The following IFT140 variants were observed in gnomAD, a reference collection of about 807,000 sequenced individuals.
The protein encoded by IFT140 is intraflagellar transport 140, also known as intraflagellar transport protein 140 homolog.
In IFT140, 133 loss-of-function variants were observed where a neutral mutation model predicts 164.6. The ratio of observed to expected loss-of-function variants is 0.81; its 90% CI spans 0.70 to 0.93. The LOEUF is 0.93. Among genes scored for constraint, IFT140 ranks in the 40% least tolerant of loss-of-function variants. The pLI, the probability that IFT140 is intolerant of heterozygous loss-of-function variation, is 0.00. For synonymous variants in IFT140, 860 were observed against 817.3 expected, an observed-to-expected ratio of 1.05 and a Z score of -0.89; for missense variants, 2,045 against 1,972.3, an observed-to-expected ratio of 1.04 and a Z score of -0.70.
At chr16:1,588,230 A>C (rs1419969639) in intron 7 of IFT140, among the ~76,000 whole-genome samples, 1 of 152,128 alleles carries the variant, frequency 6.6e-6, no homozygotes, top group African/African-American at 2.4e-5. Flanking sequence ...TTGTACATTA[A>C]ATAATGGCTA....
chr16:1,554,080 G>C, intron 19 of IFT140: 1 of 1,287,168 alleles, frequency 7.8e-7, no homozygotes, highest in South Asian at 1.2e-5. Flanking sequence ...AAATCTGCCA[G>C]GGAGGAGGGA....
chr16:1,560,940 A>C (rs1287042682), intron 18 of IFT140, among the ~76,000 whole-genome samples: 6 of 152,190 alleles, frequency 3.9e-5, no homozygotes, highest in Non-Finnish European at 7.3e-5. Context: ...AGAAGCTTCC[A>C]TGTTTCACAG....
chr16:1,528,555 A>G (rs1179477742), intron 19 of IFT140: 1 of 154,218 alleles, frequency 6.5e-6, no homozygotes, highest in Non-Finnish European at 1.5e-5. Context: ...ACATGCACAC[A>G]CACGCACACA....
chr16:1,526,345 G>A (rs903820959), intron 20 of IFT140: 51 of 288,684 alleles, frequency 1.8e-4, no homozygotes, highest in African/African-American at 3.3e-4. Context: ...CAGAAGTCCC[G>A]TGCTCAGCCC....
chr16:1,568,372 G>T, intron 14 of IFT140, 38 bp from the exon 15 acceptor site: 1 of 1,517,332 alleles, frequency 6.6e-7, no homozygotes. Context: ...CCCGCCAGAG[G>T]CCCAGTTCCC....
chr16:1,542,039 C>T (rs377593023), intron 19 of IFT140: 38 of 1,610,858 alleles, frequency 2.4e-5, no homozygotes, highest in Non-Finnish European at 2.9e-5. Flanking sequence ...ACGCCCCGTG[C>T]TGGGAGGAGG....
chr16:1,606,905 T>G (rs368693774), intron 3 of IFT140, among the ~76,000 whole-genome samples: 5 of 149,536 alleles, frequency 3.3e-5, no homozygotes, highest in African/African-American at 1.2e-4. Flanking sequence ...CACACACCCA[T>G]ATGCACACAC....
intron 3 of IFT140, 72 bp from the exon 4 acceptor site, chr16:1,602,663 C>T (rs1432830910): frequency 1.6e-5 from 23 of 1,405,954 alleles, no homozygotes; most frequent in Middle Eastern, 2.4e-4. Context: ...CTGTCTAGGC[C>T]GGGCACGGCG....
intron 29 of IFT140, among the ~76,000 whole-genome samples, 181 bp downstream of exon 29, chr16:1,519,700 G>C (rs1054783427): frequency 3.3e-5 from 5 of 152,200 alleles, no homozygotes; most frequent in Admixed American, 6.5e-5. Flanking sequence ...ACCTTCCCAA[G>C]GCTGTGCCCG....
At chr16:1,545,085 G>A (rs976769182) in intron 19 of IFT140, among the ~76,000 whole-genome samples, 1 of 152,234 alleles carries the variant, frequency 6.6e-6, no homozygotes, top group Non-Finnish European at 1.5e-5. Flanking sequence ...GTTTCTAAAT[G>A]TATTTTAAAA....
At chr16:1,526,982 A>G in intron 19 of IFT140, 186 bp from the exon 20 acceptor site, 1 of 599,936 alleles carries the variant, frequency 1.7e-6, no homozygotes. Context: ...GCCCGTCACG[A>G]GTCCCACGGC....
chr16:1,543,363 G>C (rs2031836359), intron 19 of IFT140, among the ~76,000 whole-genome samples: 1 of 152,228 alleles, frequency 6.6e-6, no homozygotes, highest in South Asian at 2.1e-4. Context: ...GTGGGGGCAG[G>C]TATTCCTGTG....
chr16:1,602,349 G>T, intron 4 of IFT140, 21 bp downstream of exon 4: 2 of 1,603,490 alleles, frequency 1.2e-6, no homozygotes, highest in Non-Finnish European at 1.7e-6. Context: ...TGAAAACAGC[G>T]TCTTGCGCGT....
chr16:1,558,973 C>T lies in IFT140; in HGVS notation c.2200-839G>A, dbSNP rs1039425238. Among the ~76,000 whole-genome samples, 6 of 152,220 alleles carry T rather than the reference C, an allele frequency of 3.9e-5. No individual in the cohort carries two copies. In the East Asian group the frequency reaches 5.8e-4, roughly 15 times the overall value. On this transcript the variant is annotated intron_variant, in intron 18 of 30. Coordinates refer to ENST00000426508, the MANE Select transcript of IFT140 (RefSeq NM_014714.4). ...CGGTGAGTAGGCCTCATGGGCGAGA[C>T]GGCACTTGGCCTGGGTCTCAAAGAA...
rs1295934388 is a variant in IFT140 at position 1,520,085 on chromosome 16, A to T, written c.3874-38T>A. The stretch of plus-strand genomic sequence containing the variant: ...AACCCGTCAAGACCTGCCGGGCTCC[A>T]CAGCCCTCCCCGGGGCCCCGCTGGC... On this transcript the variant is annotated intron_variant, in intron 28 of 30. Transcript: ENST00000426508. 1.9e-6 allele frequency: 3 copies of T among 1,609,790 alleles called. No individual in the cohort carries two copies. The South Asian group carries it at 3.3e-5, about 18-fold the overall frequency.
chr16:1,511,806 CCAG>C (rs1429795333), intron 30 of IFT140, among the ~76,000 whole-genome samples: 8 of 151,626 alleles, frequency 5.3e-5, no homozygotes, highest in Middle Eastern at 3.4e-3. Context: ...CTGCCATGTG[CCAG>C]GCGCTGTGCT....
intron 14 of IFT140, among the ~76,000 whole-genome samples, chr16:1,568,784 C>T (rs1050591840): frequency 4.6e-5 from 7 of 152,064 alleles, no homozygotes; most frequent in Non-Finnish European, 7.4e-5. Context: ...AACAAAACAA[C>T]GCTGCTGTAC....
chr16:1,520,888 A>G (rs948079347), intron 26 of IFT140, 80 bp from the exon 27 acceptor site: 1 of 1,346,122 alleles, frequency 7.4e-7, no homozygotes, highest in South Asian at 1.3e-5. Flanking sequence ...ACCGCTTCAG[A>G]GGAAACCAGG....
intron 18 of IFT140, among the ~76,000 whole-genome samples, chr16:1,559,209 C>G (rs924974498): frequency 5.9e-5 from 9 of 152,178 alleles, no homozygotes; most frequent in African/African-American, 2.2e-4. Flanking sequence ...CGTACACGCA[C>G]AAAAACAACA....
Sources: gnomAD v4.1 joint callset for allele counts (sites outside exome capture counted in the v4.1 genomes callset) on GRCh38, gnomAD v4.1.1 for gene constraint, MANE v1.5 for transcripts, NCBI Gene and HGNC (gene_info 2026-07-23, HGNC 2026-07-21) for gene names.